FBXO42: variants seen among roughly 807,000 people sequenced by gnomAD.
FBXO42 encodes F-box only protein 42.
In FBXO42, 12 loss-of-function variants were observed where a neutral mutation model predicts 71.7. The ratio of observed to expected loss-of-function variants is 0.17; its 90% CI spans 0.11 to 0.27. FBXO42 has a LOEUF of 0.27. Ranked by LOEUF, FBXO42 falls within the 10% of genes least tolerant of loss-of-function variation. The pLI is 1.00. For missense variants in FBXO42, 707 were observed against 911.9 expected, an observed-to-expected ratio of 0.78 and a Z score of 2.89; for synonymous variants, 325 against 327.5, an observed-to-expected ratio of 0.99 and a Z score of 0.08.
At chr1:16,323,794 C>CAAAAAAAAAAA (rs1158421632) in intron 1 of FBXO42, among the ~76,000 whole-genome samples, 1 of 63,252 alleles carries the variant, frequency 1.6e-5, no homozygotes, top group African/African-American at 7.0e-5. Context: ...GACTCTGTCT[C>CAAAAAAAAAAA]AAAAAAAAAA....
At chr1:16,299,878 C>A (rs1023864844) in intron 3 of FBXO42, among the ~76,000 whole-genome samples, 3 of 152,064 alleles carry the variant, frequency 2.0e-5, no homozygotes, top group Admixed American at 1.3e-4. Context: ...CTCTTGATCT[C>A]GTGATTCACC....
intron 3 of FBXO42, among the ~76,000 whole-genome samples, 155 bp downstream of exon 3, chr1:16,305,648 A>T (rs543827840): frequency 6.6e-6 from 1 of 152,324 alleles, no homozygotes; most frequent in South Asian, 2.1e-4. Flanking sequence ...GGGGAGGTGG[A>T]GGCTGTAGTA....
At chr1:16,260,991 G>A (rs1015501497) in intron 4 of FBXO42, among the ~76,000 whole-genome samples, 2 of 152,188 alleles carry the variant, frequency 1.3e-5, no homozygotes, top group African/African-American at 4.8e-5. Flanking sequence ...ACAGGCATGA[G>A]CCACCTCACC....
intron 4 of FBXO42, among the ~76,000 whole-genome samples, chr1:16,271,898 G>A (rs2100476986): frequency 6.6e-6 from 1 of 151,518 alleles, no homozygotes; most frequent in Middle Eastern, 3.4e-3. Context: ...CAGCCCTCTG[G>A]GAGGCTGAGG....
chr1:16,313,324 C>G (rs11802886), intron 2 of FBXO42, among the ~76,000 whole-genome samples: 2,968 of 137,760 alleles, frequency 0.022, 117 homozygotes, highest in African/African-American at 0.08. Context: ...GAAAAGAAAA[C>G]AAAGAAAGAA....
At chr1:16,290,552 C>T (rs1032181303) in intron 4 of FBXO42, among the ~76,000 whole-genome samples, 1 of 152,104 alleles carries the variant, frequency 6.6e-6, no homozygotes, top group Non-Finnish European at 1.5e-5. Context: ...ATTAGCCAGG[C>T]ATGGTGGCAC....
At chr1:16,346,063 C>T (rs1304778239) in intron 1 of FBXO42, among the ~76,000 whole-genome samples, 1 of 151,962 alleles carries the variant, frequency 6.6e-6, no homozygotes, top group Admixed American at 6.6e-5. Context: ...ATGGTGAGAA[C>T]GAAGTGTAAA....
Position 16,247,308 on chromosome 1 carries a change from G to A in FBXO42, c.*3362C>T, listed in dbSNP as rs1472314985. Reference sequence around the variant, plus strand: ...CCCACTGACTTGTGCGCTGGTAAGAGACCATGGATAATGCAAAGTGGAGCA... The same window carrying A: ...CCCACTGACTTGTGCGCTGGTAAGAAACCATGGATAATGCAAAGTGGAGCA... On this transcript the variant is annotated 3_prime_UTR_variant, in exon 10 of 10. Transcript: ENST00000375592. The A allele has an allele frequency of 1.3e-5, 2 of 152,262 alleles. No homozygotes were observed. Among genetic ancestry groups the A allele is most frequent in the Admixed American group, 6.5e-5 (1 of 15,278 alleles). 9.4% of individuals were successfully genotyped at this position (152,262 alleles called of 1,614,324 possible).
At chr1:16,261,742 CG>C (rs2081714467) in intron 4 of FBXO42, among the ~76,000 whole-genome samples, 1 of 151,796 alleles carries the variant, frequency 6.6e-6, no homozygotes, top group African/African-American at 2.4e-5. Context: ...CTCACTCTGT[CG>C]CTCAGGCTGG....
In FBXO42 at chr1:16,251,882, C is replaced by T. The variant is rs1376139245; in HGVS notation, c.1039-97G>A. Reference sequence around the variant, plus strand: ...TCATGAGCATCTGTCATGTGCCAGACATTTTGTAGGTACCTGAGATATGAA... The same window carrying T: ...TCATGAGCATCTGTCATGTGCCAGATATTTTGTAGGTACCTGAGATATGAA... On this transcript the variant is annotated intron_variant, in intron 9 of 9. Coordinates refer to ENST00000375592, the MANE Select transcript of FBXO42 (RefSeq NM_018994.3). The surrounding 1 kb of genome is among the most constrained non-coding windows in gnomAD (Gnocchi z 4.5). 7.0e-7 allele frequency: 1 copy of T among 1,438,544 alleles called. No individual in the cohort carries two copies. The allele number at this position is 1,438,544 out of a possible 1,614,324, so 89.1% of individuals were successfully genotyped here.
intron 3 of FBXO42, 114 bp downstream of exon 3, chr1:16,305,689 G>T: frequency 1.2e-6 from 1 of 857,108 alleles, no homozygotes; most frequent in African/African-American, 1.6e-5. Context: ...ACTCCAGCTT[G>T]GGTGATAGAG....
Position 16,265,629 on chromosome 1 carries a change from C to T in FBXO42, c.503-8870G>A, listed in dbSNP as rs576607957. Among the ~76,000 whole-genome samples the T allele has an allele frequency of 1.9e-4, 29 of 151,302 alleles. 1 individual carries two copies. In the South Asian group the frequency reaches 5.4e-3, roughly 28 times the overall value. ...CATAATGCTTACACTGAGCTAGACA[C>T]TGTTCTAGGTACCTCTTGAAAACTA... On this transcript the variant is annotated intron_variant, in intron 4 of 9. Coordinates refer to ENST00000375592, the MANE Select transcript of FBXO42 (RefSeq NM_018994.3).
intron 2 of FBXO42, among the ~76,000 whole-genome samples, chr1:16,306,836 C>A (rs953328645): frequency 6.6e-6 from 1 of 151,960 alleles, no homozygotes; most frequent in Non-Finnish European, 1.5e-5. Flanking sequence ...GTAGCAGGCA[C>A]TACAGGCAAA....
At chr1:16,322,425 A>G (rs894273130) in intron 1 of FBXO42, among the ~76,000 whole-genome samples, 4 of 152,098 alleles carry the variant, frequency 2.6e-5, no homozygotes, top group African/African-American at 9.7e-5. Flanking sequence ...AAAATACAAA[A>G]ATTAGCTGGG....
At chr1:16,293,643 TCCTATATTTG>T (rs1557588338) in intron 4 of FBXO42, 1 of 152,190 alleles carries the variant, frequency 6.6e-6, no homozygotes, top group Non-Finnish European at 1.5e-5. Context: ...AGTAGGCTCC[TCCTATATTTG>T]CCTAATGTAG....
At chr1:16,308,415 C>T (rs183115266) in intron 2 of FBXO42, among the ~76,000 whole-genome samples, 12 of 151,806 alleles carry the variant, frequency 7.9e-5, no homozygotes, top group African/African-American at 1.7e-4. Context: ...CCCAGGAGTT[C>T]GAGGCTGTAG....
At position 16,275,189 on chromosome 1, in the gene FBXO42, A is replaced by G. The variant is rs78292557; in HGVS notation, c.503-18430T>C. Among the ~76,000 whole-genome samples the G allele has an allele frequency of 3.4e-3, 513 of 152,318 alleles. 3 individuals carry two copies. Among genetic ancestry groups the G allele is most frequent in the African/African-American group, 0.012 (491 of 41,560 alleles). The stretch of plus-strand genomic sequence containing the variant: ...TTCAGAAAGCTTACTAAAATGGGAG[A>G]GAAGACAAAAAAGGGACACAACATA... On this transcript the variant is annotated intron_variant, in intron 4 of 9. Coordinates refer to ENST00000375592, the MANE Select transcript of FBXO42 (RefSeq NM_018994.3).
chr1:16,251,446 C>T lies in FBXO42; in HGVS notation c.1378G>A (p.Val460Ile), dbSNP rs140717950. The T allele has an allele frequency of 9.3e-6, 15 of 1,614,012 alleles. No homozygotes were observed. The highest frequency in any genetic ancestry group is 6.7e-5 in the Admixed American group (4 of 60,002). Residue 460 changes from valine (V) to isoleucine (I), a missense_variant, in exon 10 of 10, where the codon GTA becomes ATA. Physicochemically the swap from Val to Ile is conservative, Grantham distance 29 (BLOSUM62 3). Coordinates refer to ENST00000375592, the MANE Select transcript of FBXO42 (RefSeq NM_018994.3). This position sits in a 1 kb window ranked among gnomAD's most constrained non-coding sequence, Gnocchi z 4.5. ...AVGGSSLDSP[V>I]QAISPSTPSA... is the part of the protein sequence containing the mutation. ...GGAGTACTTGGAGATATGGCCTGTA[C>T]AGGACTGTCCAAAGAAGAGCCACCC... is the stretch of plus-strand genomic sequence containing the variant.
chr1:16,251,177 C>T lies in FBXO42; in HGVS notation c.1647G>A (p.Gly549=). 6.2e-7 allele frequency: 1 copy of T among 1,614,144 alleles called. No individual in the cohort carries two copies. Among genetic ancestry groups the T allele is most frequent in the Non-Finnish European group, 8.5e-7 (1 of 1,180,032 alleles). ...GACGCAGGGCACCTGGGGAGACGGC[C>T]CCTGCAAGGGCACTGGCCACGTGAG... ...TPPHVASALA[G]AVSPGALRRS... Residue 549 remains glycine, a synonymous_variant, in exon 10 of 10, where the codon GGG becomes GGA. Transcript: ENST00000375592. The surrounding 1 kb of genome is among the most constrained non-coding windows in gnomAD (Gnocchi z 4.5).
Sources: gnomAD v4.1 joint callset for allele counts (sites outside exome capture counted in the v4.1 genomes callset) on GRCh38, gnomAD v4.1.1 for gene constraint, Gnocchi (gnomAD v3.1) non-coding constraint, MANE v1.5 for transcripts, NCBI Gene and HGNC (gene_info 2026-07-23, HGNC 2026-07-21) for gene names.